The following NRG1 variants were observed in gnomAD, a reference collection of about 807,000 sequenced individuals.
The protein encoded by NRG1 is neuregulin 1.
A neutral mutation model predicts 63.8 loss-of-function variants in NRG1; 18 were observed. The observed-to-expected ratio is 0.28, with a 90% CI of 0.19 to 0.42. The LOEUF (loss-of-function observed/expected upper bound fraction) is 0.42. NRG1 is among the 10% of genes least tolerant of loss of function. NRG1 has a pLI of 1.00. For synonymous variants in NRG1, 302 were observed against 301.3 expected (o/e 1.00, Z -0.02); for missense variants, 762 against 814.7 (o/e 0.94, Z 0.79).
chr8:32,035,109 T>A lies in NRG1; in HGVS notation c.37+395678T>A, dbSNP rs1450071320. ...GTGGTATACATTTCCCTCTTAACAC[T>A]GCTTTAGCTGTGTCCCAGATATTCT... On this transcript the variant is annotated intron_variant, in intron 1 of 10. Coordinates refer to the NRG1 transcript ENST00000519301. Among the ~76,000 whole-genome samples the A allele has an allele frequency of 2.6e-5, 4 of 152,302 alleles. No homozygotes were observed. In the East Asian group the frequency reaches 5.8e-4, roughly 22 times the overall value.
At chr8:32,319,187 C>G (rs1801095494) in intron 1 of NRG1, among the ~76,000 whole-genome samples, 1 of 152,152 alleles carries the variant, frequency 6.6e-6, no homozygotes, top group African/African-American at 2.4e-5. Context: ...AACACACATT[C>G]CCTAGTACAT....
At chr8:32,401,285 G>A (rs1050287077) in intron 1 of NRG1, among the ~76,000 whole-genome samples, 5 of 151,982 alleles carry the variant, frequency 3.3e-5, no homozygotes, top group East Asian at 1.9e-4. Context: ...ATGTACCCCT[G>A]AACCTAAAAT....
intron 1 of NRG1, among the ~76,000 whole-genome samples, chr8:31,739,278 G>C (rs557178226): frequency 4.6e-5 from 7 of 151,984 alleles, no homozygotes; most frequent in Non-Finnish European, 7.4e-5. Flanking sequence ...ATCATGCTTG[G>C]TACATTCATG....
At chr8:32,301,573 A>C (rs1855566483) in intron 1 of NRG1, among the ~76,000 whole-genome samples, 1 of 152,190 alleles carries the variant, frequency 6.6e-6, no homozygotes, top group Non-Finnish European at 1.5e-5. Context: ...ACAATTTACA[A>C]AAGAAAGAGG....
At chr8:32,128,068 A>G (rs1834335078) in intron 1 of NRG1, among the ~76,000 whole-genome samples, 1 of 151,912 alleles carries the variant, frequency 6.6e-6, no homozygotes, top group South Asian at 2.1e-4. Flanking sequence ...TTATTCTCCA[A>G]TCCCTGCTCT....
rs138444107 is a variant in NRG1 at position 32,087,282 on chromosome 8, G to A, written c.37+447851G>A. 2.1e-4 allele frequency among the ~76,000 whole-genome samples: 32 copies of A among 152,012 alleles called. No individual in the cohort carries two copies. In the East Asian group the frequency reaches 5.8e-3, roughly 28 times the overall value. On this transcript the variant is annotated intron_variant, in intron 1 of 10. Coordinates refer to the NRG1 transcript ENST00000519301. ...AAGTAAGTTTTTGCTCTGAGTTCAT[G>A]TGAGATCTGGTTGTTTAAAAGTGTG...
chr8:32,647,933 C>T (rs1279297773), intron 5 of NRG1: 1 of 1,614,200 alleles, frequency 6.2e-7, no homozygotes, highest in South Asian at 1.1e-5. Flanking sequence ...GTTGCCTCAA[C>T]TCAGAGAAAA....
chr8:32,747,358 T>C (rs1199361973), intron 7 of NRG1, among the ~76,000 whole-genome samples: 1 of 151,970 alleles, frequency 6.6e-6, no homozygotes, highest in Non-Finnish European at 1.5e-5. Flanking sequence ...AAAATCTGGG[T>C]CCCACCTTCA....
Position 32,366,592 on chromosome 8 carries a change from A to G in NRG1, c.38-229236A>G, listed in dbSNP as rs28573705. Among the ~76,000 whole-genome samples, 1,288 of 150,672 alleles carry G rather than the reference A, an allele frequency of 8.5e-3. 26 individuals carry two copies. The highest frequency in any genetic ancestry group is 0.03 in the African/African-American group (1,214 of 41,032). ...ATACACATATAACGTCTGTATATAT[A>G]ATGTGTATATAAAATGTATATCCAT... On this transcript the variant is annotated intron_variant, in intron 1 of 10. Transcript: ENST00000519301.
At chr8:32,460,131 T>C (rs1822138213) in intron 1 of NRG1, among the ~76,000 whole-genome samples, 1 of 152,202 alleles carries the variant, frequency 6.6e-6, no homozygotes, top group South Asian at 2.1e-4. Context: ...ATTCCAGGCC[T>C]TGGAAGAGGG....
At chr8:32,214,730 C>T (rs1164007682) in intron 1 of NRG1, among the ~76,000 whole-genome samples, 3 of 152,086 alleles carry the variant, frequency 2.0e-5, no homozygotes, top group Non-Finnish European at 4.4e-5. Flanking sequence ...AGTGGTTGAT[C>T]TTAGTTCAAT....
chr8:32,656,930 C>G (rs539347234), intron 5 of NRG1, among the ~76,000 whole-genome samples: 1 of 151,940 alleles, frequency 6.6e-6, no homozygotes, highest in Non-Finnish European at 1.5e-5. Flanking sequence ...GTGATAGGCA[C>G]TTAGTGTTTG....
intron 1 of NRG1, among the ~76,000 whole-genome samples, chr8:31,668,751 T>C (rs1217326148): frequency 6.6e-6 from 1 of 152,188 alleles, no homozygotes; most frequent in East Asian, 1.9e-4. Flanking sequence ...AGTTTACAGA[T>C]ACAGTTCCTG....
At chr8:31,747,508 A>G (rs1028616019) in intron 1 of NRG1, among the ~76,000 whole-genome samples, 33 of 152,028 alleles carry the variant, frequency 2.2e-4, no homozygotes, top group Admixed American at 2.1e-3. Flanking sequence ...ATCATCCAGC[A>G]TTTCCTGAGG....
Position 32,156,329 on chromosome 8 carries a change from C to T in NRG1, c.38-439499C>T, listed in dbSNP as rs9642724. On this transcript the variant is annotated intron_variant, in intron 1 of 10. Coordinates refer to the NRG1 transcript ENST00000519301. ...GCCTCCCTGGGTCAGTTCCCTCCAT[C>T]ATGCACCATCATTGTGCCTTGTATC... Among the ~76,000 whole-genome samples, 611 of 152,334 alleles carry T rather than the reference C, an allele frequency of 4.0e-3. 27 individuals are homozygous for T. In the East Asian group the frequency reaches 0.1, roughly 25 times the overall value.
chr8:32,618,652 C>T (rs1847800300), intron 5 of NRG1, among the ~76,000 whole-genome samples: 2 of 152,102 alleles, frequency 1.3e-5, no homozygotes, highest in Non-Finnish European at 2.9e-5. Flanking sequence ...GGTAAGTTCT[C>T]AGTAAATATG....
At chr8:32,521,199 G>C (rs1830310935) in intron 1 of NRG1, among the ~76,000 whole-genome samples, 1 of 152,156 alleles carries the variant, frequency 6.6e-6, no homozygotes, top group African/African-American at 2.4e-5. Context: ...ATTCCTTGTG[G>C]ATAACGGGGA....
intron 8 of NRG1, among the ~76,000 whole-genome samples, chr8:32,755,158 C>T (rs1417787240): frequency 1.3e-5 from 2 of 152,076 alleles, no homozygotes; most frequent in Non-Finnish European, 2.9e-5. Context: ...AGAGAGAAAA[C>T]ATTAGAATAG....
At chr8:32,028,309 G>A (rs947658634) in intron 1 of NRG1, among the ~76,000 whole-genome samples, 3 of 151,972 alleles carry the variant, frequency 2.0e-5, no homozygotes, top group Admixed American at 2.0e-4. Context: ...AATTAAACTG[G>A]TATTTCTGAT....
Sources: gnomAD v4.1 joint callset for allele counts (sites outside exome capture counted in the v4.1 genomes callset) on GRCh38, gnomAD v4.1.1 for gene constraint, MANE v1.5 for transcripts, NCBI Gene and HGNC (gene_info 2026-07-23, HGNC 2026-07-21) for gene names.